NDST2: variants seen among roughly 807,000 people sequenced by gnomAD.
NDST2 encodes N-deacetylase and N-sulfotransferase 2.
NDST2 carries 32 observed loss-of-function variants against 86.9 expected under a neutral mutation model. The ratio of observed to expected loss-of-function variants is 0.37; its 90% CI spans 0.28 to 0.49. The LOEUF (loss-of-function observed/expected upper bound fraction) is 0.49. Ranked by LOEUF, NDST2 falls within the 20% of genes least tolerant of loss-of-function variation. The pLI is 0.97. For missense variants in NDST2, 950 were observed against 1,146.9 expected (o/e 0.83, Z 2.48); for synonymous variants, 409 against 437.0 (o/e 0.94, Z 0.80).
At chr10:73,802,619 A>G (rs1390475700) in intron 14 of NDST2, 43 bp from the exon 15 acceptor site, 4 of 1,614,090 alleles carry the variant, frequency 2.5e-6, no homozygotes, top group Non-Finnish European at 2.5e-6. Context: ...GAAGTGGGAC[A>G]CAGAATCAGA....
chr10:73,803,519 T>TGGGGGGGGGGGGGGGGGGGG, intron 11 of NDST2, 55 bp downstream of exon 11: 1 of 565,886 alleles, frequency 1.8e-6, no homozygotes, highest in Non-Finnish European at 3.4e-6. Flanking sequence ...GCAGTCACTG[T>TGGGGGGGGGGGGGGGGGGGG]CCCCTCCCCC....
In NDST2 at chr10:73,807,820, A is replaced by G. The variant is rs768300179; in HGVS notation, c.569T>C (p.Phe190Ser). The G allele has an allele frequency of 5.6e-6, 9 of 1,614,176 alleles. No individual in the cohort carries two copies. In the Admixed American group the frequency reaches 1.5e-4, roughly 27 times the overall value. ...LSAQLKGFPLFLHSNLGLRDY... is the reference protein window; with the variant it reads ...LSAQLKGFPLSLHSNLGLRDY... Reference sequence around the variant, plus strand: ...CCGGAGCCCCAAGTTTGAGTGTAAAAAAAGGGGAAAGCCCTTGAGCTGGGC... The same window carrying G: ...CCGGAGCCCCAAGTTTGAGTGTAAAGAAAGGGGAAAGCCCTTGAGCTGGGC... The change falls in exon 3 of 15, where the codon TTT becomes TCT. Residue 190 changes from phenylalanine (F) to serine (S), a missense_variant. Phe to Ser is a radical substitution (Grantham distance 155). Transcript: ENST00000309979.
chr10:73,807,794 C>T lies in NDST2; in HGVS notation c.595G>A (p.Asp199Asn). The T allele has an allele frequency of 6.2e-7, 1 of 1,614,088 alleles. No homozygotes were observed. The highest frequency in any genetic ancestry group is 8.5e-7 in the Non-Finnish European group (1 of 1,180,018). ...LFLHSNLGLRDYQVNPSAPLL... is the reference protein window; with the variant it reads ...LFLHSNLGLRNYQVNPSAPLL... ...GGGGCAGAAGGATTCACTTGGTAGT[C>T]CCGGAGCCCCAAGTTTGAGTGTAAA... The change falls in exon 3 of 15, where the codon GAC becomes AAC. Residue 199 changes from aspartate to asparagine, a missense_variant. Physicochemically the swap from Asp to Asn is conservative, Grantham distance 23. This residue lies in a region of NDST2 where 586 missense variants were observed against 714.0 expected (regional missense o/e 0.82). Coordinates refer to ENST00000309979, the MANE Select transcript of NDST2 (RefSeq NM_003635.4).
intron 13 of NDST2, 85 bp from the exon 14 acceptor site, chr10:73,802,861 G>A (rs896184190): frequency 6.6e-7 from 1 of 1,509,182 alleles, no homozygotes; most frequent in Non-Finnish European, 9.2e-7. Context: ...CCTGCCCACA[G>A]GGACATGTCT....
Position 73,810,368 on chromosome 10 carries a change from G to T in NDST2, c.-342+431C>A, listed in dbSNP as rs3758493. Among the ~76,000 whole-genome samples, 76 of 152,194 alleles carry T rather than the reference G, an allele frequency of 5.0e-4. No homozygotes were observed. In the East Asian group the frequency reaches 0.012, roughly 25 times the overall value. ...AGCTACTCAGGAGGCTGAGGCAGGAGAATCACTTGAACGTGGGAGGCGGAA... is the reference window on the plus strand; with the variant it reads ...AGCTACTCAGGAGGCTGAGGCAGGATAATCACTTGAACGTGGGAGGCGGAA... On this transcript the variant is annotated intron_variant, in intron 2 of 14. Coordinates refer to ENST00000309979, the MANE Select transcript of NDST2 (RefSeq NM_003635.4).
Position 73,804,805 on chromosome 10 carries a change from G to A in NDST2, c.1811C>T (p.Pro604Leu), listed in dbSNP as rs1016474455. 2.5e-6 allele frequency: 4 copies of A among 1,613,424 alleles called. No homozygotes were observed. Among genetic ancestry groups the A allele is most frequent in the Non-Finnish European group, 3.4e-6 (4 of 1,179,608 alleles). The change falls in exon 9 of 15, where the codon CCG becomes CTG. Residue 604 changes from proline to leucine, a missense_variant. Around this residue, in one of 5 missense-constraint regions of NDST2, gnomAD observed 17 missense variants for 40.1 expected, o/e 0.42. Coordinates refer to ENST00000309979, the MANE Select transcript of NDST2 (RefSeq NM_003635.4). ...CTGGGGTCCCACAATGAGGAACTTC[G>A]GGAGACGATCACAGGTTTTCTCCTT... ...WSKEKTCDRL[P>L]KFLIVGPQKT...
Position 73,805,710 on chromosome 10 carries a change from G to A in NDST2, c.1623C>T (p.Thr541=), listed in dbSNP as rs2084089771. Residue 541 remains threonine, a synonymous_variant, in exon 8 of 15, where the codon ACC becomes ACT. Transcript: ENST00000309979. ...NYGNDRLGLY[T]FESLVRFLQC... ...GGAGGAAGCGCACCAAGCTCTCAAA[G>A]GTGTATAGGCCCAGCCGGTCATTTC... 1 of 1,614,236 alleles carries A rather than the reference G, an allele frequency of 6.2e-7. No homozygotes were observed. The highest frequency in any genetic ancestry group is 2.2e-5 in the East Asian group (1 of 44,892).
chr10:73,810,949 C>CA (rs1279561038), intron 1 of NDST2, 46 bp from the exon 2 acceptor site: 2 of 398,584 alleles, frequency 5.0e-6, no homozygotes, highest in East Asian at 7.1e-5. Flanking sequence ...GGGAGCGCCG[C>CA]AGGCCGGGCC....
rs894195730 is a variant in NDST2, at chr10:73,802,523, C to A, written c.2580G>T (p.Lys860Asn). ...FFRNHNLELS[K>N]LLSRLGQPVP... is the part of the protein sequence containing the mutation. ...CTGGCTGTCCAAGCCGGCTCAGCAG[C>A]TTCGACAACTCCAAATTATGGTTCC... is the stretch of plus-strand genomic sequence containing the variant. Residue 860 changes from lysine to asparagine, a missense_variant, in exon 15 of 15, where the codon AAG becomes AAT. Physicochemically the swap from Lys to Asn is moderately conservative, Grantham distance 94 (BLOSUM62 0). Coordinates refer to ENST00000309979, the MANE Select transcript of NDST2 (RefSeq NM_003635.4). 2.5e-6 allele frequency: 4 copies of A among 1,613,982 alleles called. No individual in the cohort carries two copies. In the Admixed American group the frequency reaches 5.0e-5, roughly 20 times the overall value.
At position 73,806,800 on chromosome 10, in the gene NDST2, C is replaced by G; in HGVS notation, c.1105G>C (p.Glu369Gln). The G allele has an allele frequency of 1.2e-6, 2 of 1,614,050 alleles. No individual in the cohort carries two copies. The highest frequency in any genetic ancestry group is 1.7e-6 in the Non-Finnish European group (2 of 1,179,928). The stretch of plus-strand genomic sequence containing the variant: ...AGCAGCATGTCGTCCCCTGCATCCT[C>G]CTCCTCTGTCCCTATGACCACACGC... Reference protein sequence around the residue: ...GKFYHTGTEEEDAGDDMLLKH... With the variant: ...GKFYHTGTEEQDAGDDMLLKH... The change falls in exon 5 of 15, where the codon GAG (glutamate) becomes CAG (glutamine). Residue 369 changes from glutamate to glutamine, a missense_variant. Glu to Gln is a conservative substitution (Grantham distance 29). Coordinates refer to ENST00000309979, the MANE Select transcript of NDST2 (RefSeq NM_003635.4). This position sits in a 1 kb window ranked among gnomAD's most constrained non-coding sequence, Gnocchi z 4.5.
chr10:73,803,667 TTCAGAG>T lies in NDST2; in HGVS notation c.2043_2048del (p.Asp681_Ser682del). On this transcript the variant is annotated inframe_deletion, in exon 11 of 15. Coordinates refer to ENST00000309979, the MANE Select transcript of NDST2 (RefSeq NM_003635.4). ...GGGCAGCCCCCCGCCGTGGTACAAC[TTCAGAG>T]TCAAAGTAGGTGGCACTTTTTTCAA... is the stretch of plus-strand genomic sequence containing the variant. The T allele has an allele frequency of 6.2e-7, 1 of 1,613,998 alleles. No individual in the cohort carries two copies. The highest frequency in any genetic ancestry group is 8.5e-7 in the Non-Finnish European group (1 of 1,179,998).
At position 73,806,448 on chromosome 10, in the gene NDST2, C is replaced by G; in HGVS notation, c.1275G>C (p.Gly425=). ...ALEHGIPTDL[G]YAVAPHHSGV... is the part of the protein sequence containing the mutation. ...CCGAGTGGTGGGGGGCCACAGCATA[C>G]CCCAGGTCCGTGGGAATCCCATGCT... The change falls in exon 6 of 15, where the codon GGG becomes GGC. Residue 425 remains glycine, a synonymous_variant. Coordinates refer to ENST00000309979, the MANE Select transcript of NDST2 (RefSeq NM_003635.4). This position sits in a 1 kb window ranked among gnomAD's most constrained non-coding sequence, Gnocchi z 4.5. 6.2e-7 allele frequency: 1 copy of G among 1,601,264 alleles called. No individual in the cohort carries two copies. The highest frequency in any genetic ancestry group is 8.5e-7 in the Non-Finnish European group (1 of 1,172,078).
chr10:73,804,634 T>G (rs2084066669), intron 9 of NDST2, 139 bp downstream of exon 9: 1 of 426,750 alleles, frequency 2.3e-6, no homozygotes, highest in African/African-American at 2.1e-5. Context: ...GAGACTCTTA[T>G]CTCAAAAAAA....
At chr10:73,811,263 G>A (rs1402926909) in intron 1 of NDST2, among the ~76,000 whole-genome samples, 2 of 152,166 alleles carry the variant, frequency 1.3e-5, no homozygotes, top group African/African-American at 4.8e-5. Flanking sequence ...CCTCTGGGCT[G>A]GGAGAGCCCT....
Position 73,807,796 on chromosome 10 carries a change from C to T in NDST2, c.593G>A (p.Arg198Gln), listed in dbSNP as rs141485984. The T allele has an allele frequency of 1.0e-4, 165 of 1,614,124 alleles. No homozygotes were observed. The highest frequency in any genetic ancestry group is 8.7e-4 in the African/African-American group (65 of 75,036). The change falls in exon 3 of 15, where the codon CGG (arginine) becomes CAG (glutamine). Residue 198 changes from arginine to glutamine, a missense_variant. Physicochemically the swap from Arg to Gln is conservative, Grantham distance 43. This residue lies in a region of NDST2 where 586 missense variants were observed against 714.0 expected (regional missense o/e 0.82). Coordinates refer to ENST00000309979, the MANE Select transcript of NDST2 (RefSeq NM_003635.4). ...GGCAGAAGGATTCACTTGGTAGTCC[C>T]GGAGCCCCAAGTTTGAGTGTAAAAA... ...PLFLHSNLGL[R>Q]DYQVNPSAPL...
intron 2 of NDST2, among the ~76,000 whole-genome samples, chr10:73,809,776 A>G (rs1224280670): frequency 6.6e-6 from 1 of 152,180 alleles, no homozygotes; most frequent in Non-Finnish European, 1.5e-5. Flanking sequence ...TCTGTCACCC[A>G]GGATACAGTG....
chr10:73,804,465 A>AC (rs1440771812), intron 9 of NDST2, among the ~76,000 whole-genome samples: 1 of 151,988 alleles, frequency 6.6e-6, no homozygotes. Flanking sequence ...ACATGGTGAA[A>AC]CCCCGTCTCT....
chr10:73,803,258 G>C lies in NDST2; in HGVS notation c.2244C>G (p.Asn748Lys), dbSNP rs747108990. Residue 748 changes from asparagine (N) to lysine (K), a missense_variant, in exon 12 of 15, where the codon AAC (asparagine) becomes AAG (lysine). Physicochemically the swap from Asn to Lys is moderately conservative, Grantham distance 94. Coordinates refer to ENST00000309979, the MANE Select transcript of NDST2 (RefSeq NM_003635.4). The part of the protein sequence containing the change: ...QTPLALRSLQ[N>K]RCLVPGYYST... ...AATAGTAGCCAGGGACAAGACAGCG[G>C]TTCTGCAGGGAGCGTAGTGCCAGAG... is the stretch of plus-strand genomic sequence containing the variant. The C allele has an allele frequency of 1.7e-5, 27 of 1,614,232 alleles. No homozygotes were observed. The highest frequency in any genetic ancestry group is 2.2e-5 in the Non-Finnish European group (26 of 1,180,036).
In NDST2 at chr10:73,809,017, A is replaced by G. The variant is rs1450350746; in HGVS notation, c.-341-288T>C. The stretch of plus-strand genomic sequence containing the variant: ...TGCAAATGATAGGAACAAATCTCCC[A>G]TCAACAAGAGGCTAAATATCCTAGA... On this transcript the variant is annotated intron_variant, in intron 2 of 14. Coordinates refer to ENST00000309979, the MANE Select transcript of NDST2 (RefSeq NM_003635.4). The G allele has an allele frequency of 2.0e-5, 3 of 152,284 alleles. No individual in the cohort carries two copies. In the East Asian group the frequency reaches 5.8e-4, roughly 29 times the overall value. 9.4% of individuals were successfully genotyped at this position (152,284 alleles called of 1,614,324 possible). A position where few individuals can be genotyped will look rare whatever the true frequency, so the allele number is the denominator to read the frequency against.
Sources: allele counts gnomAD v4.1 joint callset (sites outside exome capture counted in the v4.1 genomes callset), GRCh38; gene constraint gnomAD v4.1.1; regional missense constraint gnomAD v4.1.1; non-coding constraint Gnocchi (gnomAD v3.1); transcripts MANE v1.5; gene names NCBI Gene and HGNC (gene_info 2026-07-23, HGNC 2026-07-21).